SGCD: variants seen among roughly 807,000 people sequenced by gnomAD.
The protein encoded by SGCD is sarcoglycan delta.
A neutral mutation model predicts 36.6 loss-of-function variants in SGCD; 18 were observed. That is an observed-to-expected ratio of 0.49 (90% confidence interval 0.34 to 0.73). The LOEUF is 0.73. Among genes scored for constraint, SGCD ranks in the 30% least tolerant of loss-of-function variants. The pLI is 0.01. For missense variants in SGCD, 387 were observed against 346.7 expected, an observed-to-expected ratio of 1.12 and a Z score of -0.92; for synonymous variants, 133 against 130.6, an observed-to-expected ratio of 1.02 and a Z score of -0.12.
chr5:156,699,563 G>T (rs181237401), intron 7 of SGCD, among the ~76,000 whole-genome samples: 1 of 152,036 alleles, frequency 6.6e-6, no homozygotes, highest in East Asian at 1.9e-4. Flanking sequence ...AAAAGAAATT[G>T]ACTTGTTCTT....
At chr5:156,517,342 T>TA in intron 4 of SGCD, among the ~76,000 whole-genome samples, 1 of 152,194 alleles carries the variant, frequency 6.6e-6, no homozygotes, top group Middle Eastern at 3.4e-3. Context: ...TAGGATTATG[T>TA]AAAAAGAATG....
At chr5:156,413,854 T>A (rs59243601) in intron 3 of SGCD, among the ~76,000 whole-genome samples, 2,457 of 151,974 alleles carry the variant, frequency 0.016, 73 homozygotes, top group African/African-American at 0.057. Flanking sequence ...TTTTTTTTTT[T>A]ATTTTTGGAG....
chr5:156,582,253 C>T (rs1760293469), intron 4 of SGCD, among the ~76,000 whole-genome samples: 2 of 152,210 alleles, frequency 1.3e-5, no homozygotes, highest in South Asian at 4.2e-4. Flanking sequence ...TTGTCAAGTG[C>T]CACCTTTCCA....
intron 4 of SGCD, among the ~76,000 whole-genome samples, chr5:156,561,823 T>A (rs575962608): frequency 2.6e-5 from 4 of 152,212 alleles, no homozygotes; most frequent in African/African-American, 7.2e-5. Flanking sequence ...AATTTGGGTT[T>A]AAATCCCAAC....
At chr5:156,616,643 C>T (rs750521349) in intron 6 of SGCD, among the ~76,000 whole-genome samples, 1 of 152,142 alleles carries the variant, frequency 6.6e-6, no homozygotes, top group Non-Finnish European at 1.5e-5. Context: ...ACTTACTGTT[C>T]CCTCTGCATA....
intron 1 of SGCD, among the ~76,000 whole-genome samples, chr5:156,096,383 G>T (rs115020741): frequency 0.018 from 2,732 of 152,302 alleles, 78 homozygotes; most frequent in African/African-American, 0.063. Flanking sequence ...TGGGGAAATG[G>T]CTGAGACTCC....
intron 1 of SGCD, among the ~76,000 whole-genome samples, chr5:156,005,428 TTTGTTGTTGTTGTTGTTG>T (rs5872447): frequency 4.8e-4 from 72 of 150,616 alleles, no homozygotes; most frequent in African/African-American, 1.1e-3. Flanking sequence ...GTCTTCAGTT[TTTGTTGTTGTTGTTGTTG>T]TTGTTGTTGT....
intron 1 of SGCD, among the ~76,000 whole-genome samples, chr5:155,993,337 C>CT (rs34221751): frequency 0.02 from 2,282 of 114,520 alleles, 56 homozygotes; most frequent in African/African-American, 0.037. Flanking sequence ...ATCTGGGGTC[C>CT]TTTTTTTTTT....
intron 3 of SGCD, among the ~76,000 whole-genome samples, chr5:156,172,661 G>A (rs1220030798): frequency 6.6e-6 from 1 of 152,194 alleles, no homozygotes; most frequent in Non-Finnish European, 1.5e-5. Context: ...CTTTGGATGT[G>A]AAGGGAGCTT....
At position 156,525,661 on chromosome 5, in the gene SGCD, A is replaced by G. The variant is rs560924706; in HGVS notation, c.294+16959A>G. Among the ~76,000 whole-genome samples the G allele has an allele frequency of 5.3e-5, 8 of 152,194 alleles. 1 individual carries two copies. The highest frequency in any genetic ancestry group is 2.1e-4 in the South Asian group (1 of 4,824). On this transcript the variant is annotated intron_variant, in intron 4 of 8. Transcript: ENST00000337851. ...AAGAAAAAAGTCATTTCAAAGACCA[A>G]TGTCATAGAGCTTTGCCCCTATGTT...
chr5:156,753,426 A>G (rs530438148), intron 7 of SGCD, among the ~76,000 whole-genome samples: 22 of 152,218 alleles, frequency 1.4e-4, no homozygotes, highest in Non-Finnish European at 2.6e-4. Flanking sequence ...CATGCCATCT[A>G]AACAATTGTG....
At chr5:156,038,987 A>G (rs1366721957) in intron 1 of SGCD, among the ~76,000 whole-genome samples, 1 of 152,074 alleles carries the variant, frequency 6.6e-6, no homozygotes, top group Non-Finnish European at 1.5e-5. Context: ...CTCGCTCTTC[A>G]ATTCAGACAT....
chr5:155,911,190 T>C (rs983323219), intron 1 of SGCD, among the ~76,000 whole-genome samples: 2 of 152,060 alleles, frequency 1.3e-5, no homozygotes, highest in African/African-American at 4.8e-5. Flanking sequence ...TCTTCAAATA[T>C]AGCTTATTAC....
chr5:156,461,322 G>A (rs1463880414), intron 3 of SGCD, among the ~76,000 whole-genome samples: 1 of 151,992 alleles, frequency 6.6e-6, no homozygotes, highest in Non-Finnish European at 1.5e-5. Flanking sequence ...TTCCTGTTGA[G>A]TTAACAAATG....
chr5:155,946,398 G>A (rs1355714004), intron 1 of SGCD, among the ~76,000 whole-genome samples: 1 of 152,078 alleles, frequency 6.6e-6, no homozygotes, highest in African/African-American at 2.4e-5. Context: ...AGATCTAGCT[G>A]ATTTCCCAAG....
chr5:155,764,209 A>G, the SGCD span, among the ~76,000 whole-genome samples: 1 of 152,182 alleles, frequency 6.6e-6, no homozygotes, highest in African/African-American at 2.4e-5. Context: ...TCCAAGAGCT[A>G]ATACAAATTT....
chr5:156,647,366 ATGG>A, intron 6 of SGCD, 95 bp from the exon 7 acceptor site: 1 of 750,518 alleles, frequency 1.3e-6, no homozygotes. Context: ...GGGTTGTGTA[ATGG>A]ATTCGCTGCA....
the SGCD span, among the ~76,000 whole-genome samples, chr5:155,735,678 A>C: frequency 1.3e-5 from 2 of 152,218 alleles, no homozygotes; most frequent in East Asian, 3.9e-4. Context: ...CACAGCCTGC[A>C]ACAGCACAAT....
intron 4 of SGCD, among the ~76,000 whole-genome samples, chr5:156,574,101 G>C (rs756476161): frequency 6.6e-6 from 1 of 152,144 alleles, no homozygotes; most frequent in African/African-American, 2.4e-5. Flanking sequence ...AGACACCTAT[G>C]AGGCAATGCT....
Sources: allele counts gnomAD v4.1 joint callset (sites outside exome capture counted in the v4.1 genomes callset), GRCh38; gene constraint gnomAD v4.1.1; transcripts MANE v1.5; gene names NCBI Gene and HGNC (gene_info 2026-07-23, HGNC 2026-07-21).